The following CCDC150 variants were observed in gnomAD, a reference collection of about 807,000 sequenced individuals.
CCDC150 encodes the protein coiled-coil domain containing 150, also known as coiled-coil domain-containing protein 150.
CCDC150 carries 151 observed loss-of-function variants against 156.5 expected under a neutral mutation model. That is an observed-to-expected ratio of 0.97 (90% CI 0.85 to 1.10). The LOEUF is 1.10. Ranked by LOEUF, CCDC150 falls within the 50% of genes least tolerant of loss-of-function variation. The probability of loss-of-function intolerance (pLI) is 0.00; values close to 1 mark genes in which losing one functional copy is unlikely to be tolerated. For missense variants in CCDC150, 1,312 were observed against 1,268.1 expected, an observed-to-expected ratio of 1.03 and a Z score of -0.53; for synonymous variants, 452 against 429.4, an observed-to-expected ratio of 1.05 and a Z score of -0.65.
Position 196,729,199 on chromosome 2 carries a change from A to G in CCDC150, c.2563A>G (p.Lys855Glu). Residue 855 changes from lysine to glutamate, a missense_variant, in exon 23 of 28, where the codon AAA becomes GAA. Transcript: ENST00000389175. ...VAQREVAELK[K>E]ALDEANFRSV... ...TTCTCCCTTGTGTTTTAAGCTGAAG[A>G]AAGCCCTTGATGAAGCTAACTTCAG... is the stretch of plus-strand genomic sequence containing the variant. 1 of 1,606,722 alleles carries G rather than the reference A, an allele frequency of 6.2e-7. No individual in the cohort carries two copies. Among genetic ancestry groups the G allele is most frequent in the Non-Finnish European group, 8.5e-7 (1 of 1,178,042 alleles).
intron 13 of CCDC150, among the ~76,000 whole-genome samples, chr2:196,681,542 G>A (rs1043074771): frequency 6.6e-6 from 1 of 152,048 alleles, no homozygotes; most frequent in African/African-American, 2.4e-5. Flanking sequence ...TTAACTCTGA[G>A]GAATCACCAG....
chr2:196,713,674 A>G, intron 17 of CCDC150: 1 of 1,419,630 alleles, frequency 7.0e-7, no homozygotes, highest in African/African-American at 1.4e-5. Context: ...ATTTTCTTAA[A>G]CAGGACTCGG....
intron 6 of CCDC150, 130 bp downstream of exon 6, chr2:196,665,813 A>G: frequency 3.8e-6 from 2 of 529,150 alleles, no homozygotes; most frequent in Non-Finnish European, 6.6e-6. Context: ...TGTTAGCAAT[A>G]TGTTAACAAT....
intron 9 of CCDC150, among the ~76,000 whole-genome samples, chr2:196,673,004 T>A (rs1379980467): frequency 6.6e-6 from 1 of 152,172 alleles, no homozygotes; most frequent in Non-Finnish European, 1.5e-5. Context: ...TAAAATAACT[T>A]TTCTCTTGGT....
At chr2:196,686,969 A>G (rs956441628) in intron 13 of CCDC150, among the ~76,000 whole-genome samples, 5 of 152,186 alleles carry the variant, frequency 3.3e-5, no homozygotes, top group Admixed American at 1.3e-4. Flanking sequence ...ATAGTATTCC[A>G]TGGTGTATAT....
At chr2:196,689,079 G>C (rs1695283191) in intron 13 of CCDC150, among the ~76,000 whole-genome samples, 1 of 152,014 alleles carries the variant, frequency 6.6e-6, no homozygotes, top group Non-Finnish European at 1.5e-5. Context: ...ATTTCTGAGG[G>C]CTCTGTTCTG....
intron 2 of CCDC150, among the ~76,000 whole-genome samples, chr2:196,652,053 C>T (rs1350793308): frequency 6.6e-6 from 1 of 152,180 alleles, no homozygotes; most frequent in Non-Finnish European, 1.5e-5. Flanking sequence ...CATGAGGGAT[C>T]TGCCCCTATG....
Position 196,695,081 on chromosome 2 carries a change from T to C in CCDC150, c.1545T>C (p.Thr515=). 6.2e-7 allele frequency: 1 copy of C among 1,611,706 alleles called. No individual in the cohort carries two copies. The highest frequency in any genetic ancestry group is 8.5e-7 in the Non-Finnish European group (1 of 1,178,364). Residue 515 remains threonine (T), a synonymous_variant, in exon 14 of 28, where the codon ACT becomes ACC. Coordinates refer to ENST00000389175, the MANE Select transcript of CCDC150 (RefSeq NM_001080539.2). ...ATACATTAACTCATAACCTGCAGACTCTTGAAGAAGAGAATAAGCACCTGG... is the reference window on the plus strand; with the variant it reads ...ATACATTAACTCATAACCTGCAGACCCTTGAAGAAGAGAATAAGCACCTGG... ...DINTLTHNLQ[T]LEEENKHLAD...
At chr2:196,665,747 C>G in intron 6 of CCDC150, 64 bp downstream of exon 6, 1 of 906,144 alleles carries the variant, frequency 1.1e-6, no homozygotes, top group East Asian at 3.0e-5. Flanking sequence ...TGATATTTTA[C>G]CTATAAACTT....
At position 196,726,090 on chromosome 2, in the gene CCDC150, A is replaced by T; in HGVS notation, c.2547A>T (p.Glu849Asp). ...CTACAAAGAAAGTGGCACAACGGGA[A>T]GTGGCTGAGGTATAGTCATGAGAAA... ...RETTKKVAQREVAELKKALDE... is the reference protein window; with the variant it reads ...RETTKKVAQRDVAELKKALDE... Residue 849 changes from glutamate to aspartate, a missense_variant, in exon 22 of 28, where the codon GAA becomes GAT. Transcript: ENST00000389175. 1 of 1,613,092 alleles carries T rather than the reference A, an allele frequency of 6.2e-7. No individual in the cohort carries two copies. Among genetic ancestry groups the T allele is most frequent in the Non-Finnish European group, 8.5e-7 (1 of 1,179,422 alleles).
At chr2:196,729,457 G>A (rs1005585956) in intron 23 of CCDC150, 70 bp downstream of exon 23, 29 of 1,475,938 alleles carry the variant, frequency 2.0e-5, no homozygotes, top group Non-Finnish European at 2.3e-5. Flanking sequence ...GGTGTCTAGG[G>A]AAGACAGGTT....
chr2:196,651,443 T>C (rs993912960), intron 2 of CCDC150, among the ~76,000 whole-genome samples: 7 of 152,228 alleles, frequency 4.6e-5, no homozygotes, highest in African/African-American at 1.7e-4. Flanking sequence ...GAACTTTCTT[T>C]AGTTTTTCTT....
chr2:196,654,874 A>G (rs1693098161), intron 2 of CCDC150, among the ~76,000 whole-genome samples: 1 of 152,102 alleles, frequency 6.6e-6, no homozygotes, highest in African/African-American at 2.4e-5. Context: ...CATGTAGGAG[A>G]TCTTACCAAT....
rs569529674 is a variant in CCDC150, at chr2:196,677,362, G to A, written c.1509+1G>A. ...GGAAAAGGAATTAGCTAAAAACAAGGTATTCTTCATTTTACTTACTGATAT... is the reference window on the plus strand; with the variant it reads ...GGAAAAGGAATTAGCTAAAAACAAGATATTCTTCATTTTACTTACTGATAT... On this transcript the variant is annotated splice_donor_variant, in intron 13 of 27. Transcript: ENST00000389175. LOFTEE classifies it high-confidence loss of function. The A allele has an allele frequency of 5.8e-5, 89 of 1,525,624 alleles. 2 individuals are homozygous for A. The South Asian group carries it at 9.4e-4, about 16-fold the overall frequency. 94.5% of individuals were successfully genotyped at this position (1,525,624 alleles called of 1,614,324 possible). A position where few individuals can be genotyped will look rare whatever the true frequency, so the allele number is the denominator to read the frequency against.
At chr2:196,729,431 G>T (rs1330644796) in intron 23 of CCDC150, 44 bp downstream of exon 23, 25 of 1,571,630 alleles carry the variant, frequency 1.6e-5, no homozygotes, top group Non-Finnish European at 2.2e-5. Context: ...ACCCTGTGAG[G>T]ATGTAGTCAG....
chr2:196,722,442 A>AT (rs34157571), intron 21 of CCDC150, among the ~76,000 whole-genome samples: 46 of 146,094 alleles, frequency 3.1e-4, no homozygotes, highest in Middle Eastern at 7.0e-3. Flanking sequence ...CACCTGGCTA[A>AT]TTTTTTTTTT....
At chr2:196,694,335 C>T (rs576275508) in intron 13 of CCDC150, among the ~76,000 whole-genome samples, 2 of 152,216 alleles carry the variant, frequency 1.3e-5, no homozygotes, top group African/African-American at 4.8e-5. Flanking sequence ...GGATTACAGG[C>T]GTGAGCCACC....
chr2:196,672,815 T>C (rs1163797661), intron 9 of CCDC150, among the ~76,000 whole-genome samples: 1 of 152,160 alleles, frequency 6.6e-6, no homozygotes, highest in East Asian at 1.9e-4. Context: ...TAAATAATTA[T>C]ACAGTAGGAA....
At chr2:196,720,429 A>G (rs769278087) in intron 19 of CCDC150, 146 bp from the exon 20 acceptor site, 1 of 625,962 alleles carries the variant, frequency 1.6e-6, no homozygotes, top group African/African-American at 1.8e-5. Context: ...AAGGCAATAT[A>G]TTTTGTACTA....
Sources: allele counts gnomAD v4.1 joint callset (sites outside exome capture counted in the v4.1 genomes callset), GRCh38; gene constraint gnomAD v4.1.1; transcripts MANE v1.5; gene names NCBI Gene and HGNC (gene_info 2026-07-23, HGNC 2026-07-21).